Variants in GALNTL6 observed in about 807,000 individuals in gnomAD.
The protein encoded by GALNTL6 is polypeptide N-acetylgalactosaminyltransferase like 6, also known as polypeptide N-acetylgalactosaminyltransferase-like 6.
A neutral mutation model predicts 73.7 loss-of-function variants in GALNTL6; 46 were observed. That is an observed-to-expected ratio of 0.62 (90% CI 0.49 to 0.80). GALNTL6 has a LOEUF of 0.80. Ranked by LOEUF, GALNTL6 falls within the 30% of genes least tolerant of loss-of-function variation. The pLI is 0.00. For missense variants in GALNTL6, 604 were observed against 755.0 expected (o/e 0.80, Z 2.34); for synonymous variants, 259 against 263.7 (o/e 0.98, Z 0.17).
Position 172,836,108 on chromosome 4 carries a change from G to A in GALNTL6, c.923+22385G>A, listed in dbSNP as rs143451900. Among the ~76,000 whole-genome samples the A allele has an allele frequency of 8.8e-4, 134 of 152,330 alleles. No homozygotes were observed. The South Asian group carries it at 0.019, about 21-fold the overall frequency. ...CCTCCCTCTCCAAGCCCCCAGCAGA[G>A]CCAGAAAGGATCTCTATTCCAGTCC... On this transcript the variant is annotated intron_variant, in intron 7 of 12. Transcript: ENST00000506823.
rs200474110 is a variant in GALNTL6 at position 172,296,437 on chromosome 4, T to C, written c.248-15177T>C. ...TGCAGGTCAGTTACATATATATACA[T>C]GTGGGAGTTGGTGTGCTGCACCCGT... On this transcript the variant is annotated intron_variant, in intron 3 of 12. Transcript: ENST00000506823. Among the ~76,000 whole-genome samples the C allele has an allele frequency of 7.7e-4, 118 of 152,286 alleles. 2 individuals carry two copies. In the South Asian group the frequency reaches 0.015, roughly 20 times the overall value.
At chr4:172,821,139 T>C (rs1166310368) in intron 7 of GALNTL6, among the ~76,000 whole-genome samples, 1 of 152,238 alleles carries the variant, frequency 6.6e-6, no homozygotes, top group African/African-American at 2.4e-5. Context: ...CTATATTATC[T>C]AATTAACTCT....
intron 5 of GALNTL6, among the ~76,000 whole-genome samples, chr4:172,773,264 A>G (rs533457314): frequency 6.6e-6 from 1 of 152,214 alleles, no homozygotes; most frequent in Non-Finnish European, 1.5e-5. Flanking sequence ...CAGTGGCACG[A>G]TCATAGCGTC....
chr4:172,087,640 A>G (rs911297273), intron 2 of GALNTL6, among the ~76,000 whole-genome samples: 8 of 151,990 alleles, frequency 5.3e-5, no homozygotes, highest in Admixed American at 2.6e-4. Context: ...TGCCTTTTAA[A>G]ATAAGCAAAT....
intron 3 of GALNTL6, among the ~76,000 whole-genome samples, chr4:172,270,222 G>A (rs1033427888): frequency 6.6e-6 from 1 of 151,274 alleles, no homozygotes; most frequent in Non-Finnish European, 1.5e-5. Context: ...TGTGTTACAG[G>A]TTCTAATGCA....
chr4:171,894,101 A>G (rs1304369165), intron 2 of GALNTL6, among the ~76,000 whole-genome samples: 1 of 152,156 alleles, frequency 6.6e-6, no homozygotes, highest in East Asian at 1.9e-4. Flanking sequence ...CTCTTGGGTA[A>G]AATAATCGGA....
In GALNTL6 at chr4:172,091,710, G is replaced by A. The variant is rs190502489; in HGVS notation, c.139-137946G>A. Among the ~76,000 whole-genome samples, 640 of 152,202 alleles carry A rather than the reference G, an allele frequency of 4.2e-3. 1 individual carries two copies. Among genetic ancestry groups the A allele is most frequent in the Non-Finnish European group, 6.9e-3 (470 of 68,000 alleles). ...TAAATAGCGTATTTCCATGAAATAA[G>A]AATACTCACAAACAGTTTCTGCTTC... On this transcript the variant is annotated intron_variant, in intron 2 of 12. Transcript: ENST00000506823.
At chr4:172,036,291 A>G (rs1741929295) in intron 2 of GALNTL6, among the ~76,000 whole-genome samples, 1 of 152,126 alleles carries the variant, frequency 6.6e-6, no homozygotes, top group African/African-American at 2.4e-5. Context: ...TACCTTTCAC[A>G]CACTAAAAAT....
chr4:172,825,237 T>G (rs1742201658), intron 7 of GALNTL6, among the ~76,000 whole-genome samples: 1 of 151,740 alleles, frequency 6.6e-6, no homozygotes, highest in African/African-American at 2.4e-5. Context: ...CCAATGAAAA[T>G]GAGACAAAAT....
intron 5 of GALNTL6, among the ~76,000 whole-genome samples, chr4:172,692,101 A>G (rs187717361): frequency 5.8e-4 from 89 of 152,212 alleles, no homozygotes; most frequent in African/African-American, 1.8e-3. Flanking sequence ...AAATGTGCAG[A>G]AAAAAAGACC....
At chr4:172,304,253 C>T (rs1350040138) in intron 3 of GALNTL6, among the ~76,000 whole-genome samples, 1 of 152,150 alleles carries the variant, frequency 6.6e-6, no homozygotes, top group Non-Finnish European at 1.5e-5. Flanking sequence ...TTTCATATGG[C>T]ACTCATAAAA....
intron 8 of GALNTL6, among the ~76,000 whole-genome samples, chr4:172,898,452 A>C (rs1746448668): frequency 1.3e-5 from 2 of 150,976 alleles, no homozygotes. Flanking sequence ...TGGTATTTAA[A>C]AAAAAAAAAA....
intron 2 of GALNTL6, among the ~76,000 whole-genome samples, chr4:172,002,382 T>A (rs1209169120): frequency 6.6e-6 from 1 of 152,078 alleles, no homozygotes; most frequent in Admixed American, 6.6e-5. Context: ...AAGACAGCTG[T>A]CTATATGCCA....
At chr4:172,336,962 GTAT>G (rs1228034722) in intron 4 of GALNTL6, among the ~76,000 whole-genome samples, 1 of 152,056 alleles carries the variant, frequency 6.6e-6, no homozygotes, top group African/African-American at 2.4e-5. Flanking sequence ...GAATAGTTAA[GTAT>G]TATTGTTGAA....
chr4:172,407,690 T>C (rs1032507849), intron 5 of GALNTL6, among the ~76,000 whole-genome samples: 35 of 152,080 alleles, frequency 2.3e-4, no homozygotes, highest in African/African-American at 8.2e-4. Flanking sequence ...ACAAGGTCCA[T>C]TGAGTTTGTG....
intron 2 of GALNTL6, among the ~76,000 whole-genome samples, chr4:172,179,704 T>A (rs552614340): frequency 9.1e-4 from 138 of 151,312 alleles, no homozygotes; most frequent in African/African-American, 3.3e-3. Context: ...CCATTGCTTT[T>A]GGTGTTTTGG....
rs143217109 is a variant in GALNTL6, at chr4:172,192,924, G to A, written c.139-36732G>A. On this transcript the variant is annotated intron_variant, in intron 2 of 12. Transcript: ENST00000506823. ...GATAGTGGCCAGCCTGCTTCTTTAG[G>A]TGGGACCCTGATCCATTTCTCCTCA... Among the ~76,000 whole-genome samples, 1,335 of 152,292 alleles carry A rather than the reference G, an allele frequency of 8.8e-3. 11 individuals carry two copies. The highest frequency in any genetic ancestry group is 0.01 in the Non-Finnish European group (702 of 68,018).
At chr4:172,566,061 CTG>C (rs1736544589) in intron 5 of GALNTL6, among the ~76,000 whole-genome samples, 1 of 152,030 alleles carries the variant, frequency 6.6e-6, no homozygotes, top group East Asian at 1.9e-4. Context: ...ACTGATAAAA[CTG>C]AATGGAAAAA....
chr4:172,764,852 G>A (rs995870043), intron 5 of GALNTL6, among the ~76,000 whole-genome samples: 1 of 152,170 alleles, frequency 6.6e-6, no homozygotes, highest in Non-Finnish European at 1.5e-5. Flanking sequence ...GACTACTGAA[G>A]GTTAATTCCA....
Sources: allele counts gnomAD v4.1 joint callset (sites outside exome capture counted in the v4.1 genomes callset), GRCh38; gene constraint gnomAD v4.1.1; transcripts MANE v1.5; gene names NCBI Gene and HGNC (gene_info 2026-07-23, HGNC 2026-07-21).